The following STAU2 variants were observed in gnomAD, a reference collection of about 807,000 sequenced individuals.
STAU2 encodes the protein staufen double-stranded RNA binding protein 2, also known as double-stranded RNA-binding protein Staufen homolog 2.
STAU2 carries 20 observed loss-of-function variants against 65.9 expected under a neutral mutation model. That is an observed-to-expected ratio of 0.30 (90% CI 0.21 to 0.44). STAU2 has a LOEUF of 0.44. Ranked by LOEUF, STAU2 falls within the 20% of genes least tolerant of loss-of-function variation. The pLI, the probability that STAU2 is intolerant of heterozygous loss-of-function variation, is 1.00. For synonymous variants in STAU2, 232 were observed against 233.9 expected (o/e 0.99, Z 0.07); for missense variants, 558 against 683.9 (o/e 0.82, Z 2.05).
At chr8:73,743,315 A>C (rs1807015721) in intron 1 of STAU2, among the ~76,000 whole-genome samples, 1 of 151,612 alleles carries the variant, frequency 6.6e-6, no homozygotes, top group Admixed American at 6.6e-5. Context: ...TTTAATCCTC[A>C]TCATCTTGGG....
At chr8:73,492,376 C>T (rs1158467217) in intron 13 of STAU2, among the ~76,000 whole-genome samples, 1 of 151,852 alleles carries the variant, frequency 6.6e-6, no homozygotes, top group East Asian at 1.9e-4. Flanking sequence ...TTACCTTAGT[C>T]AACCTCTCCT....
intron 13 of STAU2, among the ~76,000 whole-genome samples, chr8:73,543,953 T>C (rs1406615117): frequency 1.3e-5 from 2 of 152,220 alleles, no homozygotes; most frequent in African/African-American, 2.4e-5. Context: ...CAAATCCATG[T>C]GAATGTCCCA....
chr8:73,610,583 G>A (rs1034443544), intron 9 of STAU2, among the ~76,000 whole-genome samples: 5 of 150,368 alleles, frequency 3.3e-5, no homozygotes, highest in African/African-American at 1.2e-4. Flanking sequence ...GGATGACTTG[G>A]TTTCTTGCTC....
intron 6 of STAU2, among the ~76,000 whole-genome samples, chr8:73,628,077 T>C (rs1170404600): frequency 6.8e-6 from 1 of 146,564 alleles, no homozygotes; most frequent in Non-Finnish European, 1.5e-5. Context: ...TTTTAAAATG[T>C]AAGTTTTTTT....
chr8:73,724,388 C>T (rs1205341751), intron 3 of STAU2, among the ~76,000 whole-genome samples: 5 of 152,078 alleles, frequency 3.3e-5, no homozygotes, highest in Non-Finnish European at 5.9e-5. Context: ...CATAAATATA[C>T]CGTCCCTGAC....
intron 3 of STAU2, among the ~76,000 whole-genome samples, chr8:73,728,941 T>C (rs1805844900): frequency 6.6e-6 from 1 of 152,248 alleles, no homozygotes; most frequent in African/African-American, 2.4e-5. Context: ...GCTCTGGCTA[T>C]AACTTCCACT....
chr8:73,745,606 T>C (rs1470580929), intron 1 of STAU2, among the ~76,000 whole-genome samples: 1 of 152,174 alleles, frequency 6.6e-6, no homozygotes, highest in Admixed American at 6.5e-5. Context: ...ACGTTTTCAA[T>C]TAACAGTAAA....
chr8:73,460,962 G>A (rs1314136288), intron 13 of STAU2, among the ~76,000 whole-genome samples: 1 of 152,026 alleles, frequency 6.6e-6, no homozygotes, highest in Non-Finnish European at 1.5e-5. Flanking sequence ...TTTCTGGGGT[G>A]TGCCTGCTCC....
At chr8:73,713,592 C>G (rs1356726587) in intron 3 of STAU2, among the ~76,000 whole-genome samples, 2 of 152,064 alleles carry the variant, frequency 1.3e-5, no homozygotes, top group Non-Finnish European at 2.9e-5. Flanking sequence ...ACGTGAGAGA[C>G]AGTCCAAGCT....
At chr8:73,582,728 T>C in intron 12 of STAU2, 42 bp downstream of exon 12, 2 of 1,594,590 alleles carry the variant, frequency 1.3e-6, no homozygotes, top group Non-Finnish European at 1.7e-6. Flanking sequence ...ACTGAGCCAC[T>C]GATGAACACC....
At chr8:73,516,231 T>C (rs1192388502) in intron 13 of STAU2, among the ~76,000 whole-genome samples, 3 of 152,092 alleles carry the variant, frequency 2.0e-5, no homozygotes, top group Non-Finnish European at 4.4e-5. Flanking sequence ...CAAGCCACCA[T>C]GCCTGACCTA....
intron 13 of STAU2, among the ~76,000 whole-genome samples, chr8:73,498,460 T>C (rs1447470761): frequency 6.6e-6 from 1 of 151,760 alleles, no homozygotes; most frequent in Non-Finnish European, 1.5e-5. Flanking sequence ...TATGCATGTT[T>C]ACTTTTTTTT....
intron 13 of STAU2, among the ~76,000 whole-genome samples, chr8:73,435,460 C>G (rs1410976027): frequency 6.6e-6 from 1 of 151,896 alleles, no homozygotes; most frequent in African/African-American, 2.4e-5. Flanking sequence ...TCTGTTCTGT[C>G]TGTTCTCAGA....
At chr8:73,465,098 AG>A (rs561121365) in intron 13 of STAU2, among the ~76,000 whole-genome samples, 172 of 152,330 alleles carry the variant, frequency 1.1e-3, no homozygotes, top group African/African-American at 4.0e-3. Context: ...TGCTTATCAA[AG>A]AGCAGAAAAA....
intron 13 of STAU2, among the ~76,000 whole-genome samples, chr8:73,491,936 T>C (rs545215123): frequency 6.6e-6 from 1 of 151,954 alleles, no homozygotes; most frequent in Non-Finnish European, 1.5e-5. Flanking sequence ...GAAGAAACCA[T>C]TAAACTGAGT....
At chr8:73,662,599 T>TTTG (rs370019142) in intron 6 of STAU2, among the ~76,000 whole-genome samples, 18,634 of 150,642 alleles carry the variant, frequency 0.12, 1,501 homozygotes, top group African/African-American at 0.23. Context: ...TTCAGGGGTT[T>TTTG]TTGTTGTTGT....
chr8:73,576,826 C>T (rs6991412), intron 12 of STAU2, among the ~76,000 whole-genome samples: 30,759 of 152,000 alleles, frequency 0.2, 3,663 homozygotes, highest in African/African-American at 0.34. Flanking sequence ...CTTATGCTTA[C>T]TGTAAAGTTT....
At chr8:73,655,541 A>T (rs940068832) in intron 6 of STAU2, among the ~76,000 whole-genome samples, 1 of 149,472 alleles carries the variant, frequency 6.7e-6, no homozygotes, top group Non-Finnish European at 1.5e-5. Context: ...AAATTATAGG[A>T]GTTTGTACTT....
chr8:73,669,673 A>G (rs1326002005), intron 6 of STAU2, among the ~76,000 whole-genome samples: 4 of 116,550 alleles, frequency 3.4e-5, no homozygotes, highest in African/African-American at 6.7e-5. Flanking sequence ...CTCTCTCTCA[A>G]CATTCACACT....
Sources: allele counts gnomAD v4.1 joint callset (sites outside exome capture counted in the v4.1 genomes callset), GRCh38; gene constraint gnomAD v4.1.1; transcripts MANE v1.5; gene names NCBI Gene and HGNC (gene_info 2026-07-23, HGNC 2026-07-21).